The following KCNN3 variants were observed in gnomAD, a reference collection of about 807,000 sequenced individuals.
KCNN3 encodes the protein potassium calcium-activated channel subfamily N member 3.
Under a neutral mutation model 62.9 loss-of-function variants are expected in KCNN3, and 16 were observed. That is an observed-to-expected ratio of 0.25 (90% CI 0.17 to 0.39). The LOEUF (loss-of-function observed/expected upper bound fraction) is 0.39. KCNN3 is among the 10% of genes least tolerant of loss of function. KCNN3 has a pLI of 1.00. For synonymous variants in KCNN3, 370 were observed against 389.2 expected (o/e 0.95, Z 0.58); for missense variants, 599 against 949.4 (o/e 0.63, Z 4.85).
chr1:154,856,375 G>T (rs1303070770), intron 1 of KCNN3, among the ~76,000 whole-genome samples: 1 of 152,186 alleles, frequency 6.6e-6, no homozygotes, highest in Admixed American at 6.5e-5. Context: ...AGCCCACCCT[G>T]CCAACATGCA....
chr1:154,784,726 G>A (rs567060876), intron 2 of KCNN3, among the ~76,000 whole-genome samples: 1 of 152,344 alleles, frequency 6.6e-6, no homozygotes, highest in African/African-American at 2.4e-5. Flanking sequence ...TAACAGCAGG[G>A]GCCATGTATT....
intron 3 of KCNN3, among the ~76,000 whole-genome samples, chr1:154,757,276 G>A (rs1557960426): frequency 6.6e-6 from 1 of 152,188 alleles, no homozygotes. Context: ...TGGACTTCAG[G>A]CCAGCCCTCA....
At chr1:154,826,388 C>T (rs1651132913) in intron 1 of KCNN3, among the ~76,000 whole-genome samples, 1 of 152,212 alleles carries the variant, frequency 6.6e-6, no homozygotes. Flanking sequence ...GCCTACCATG[C>T]AAGGATGGCA....
At chr1:154,867,259 G>C (rs530690044) in intron 1 of KCNN3, among the ~76,000 whole-genome samples, 1 of 152,182 alleles carries the variant, frequency 6.6e-6, no homozygotes, top group Non-Finnish European at 1.5e-5. Context: ...AGAAGGCAGC[G>C]AGCAGAAGGA....
chr1:154,705,545 G>A lies in KCNN3; in HGVS notation c.*2431C>T, dbSNP rs1699950852. 1 of 152,098 alleles carries A rather than the reference G, an allele frequency of 6.6e-6. No homozygotes were observed. Among genetic ancestry groups the A allele is most frequent in the South Asian group, 2.1e-4 (1 of 4,822 alleles). 9.4% of individuals were successfully genotyped at this position (152,098 alleles called of 1,614,324 possible). A position where few individuals can be genotyped will look rare whatever the true frequency, so the allele number is the denominator to read the frequency against. On this transcript the variant is annotated 3_prime_UTR_variant, in exon 8 of 8. Coordinates refer to ENST00000271915, the MANE Select transcript of KCNN3 (RefSeq NM_002249.6). ...TCCAGTCACTCCCTTGACTAGTGTT[G>A]CTAGTTTGGTCTTTAGGGTTTACCT... is the stretch of plus-strand genomic sequence containing the variant.
At chr1:154,769,543 CA>C (rs1183175148) in intron 3 of KCNN3, among the ~76,000 whole-genome samples, 1 of 152,142 alleles carries the variant, frequency 6.6e-6, no homozygotes, top group African/African-American at 2.4e-5. Flanking sequence ...AAGTACTTTG[CA>C]AACTACATTC....
At chr1:154,722,305 A>G (rs916585512) in intron 5 of KCNN3, among the ~76,000 whole-genome samples, 1 of 152,090 alleles carries the variant, frequency 6.6e-6, no homozygotes, top group African/African-American at 2.4e-5. Context: ...AAGAGGTTGC[A>G]ATTATGCCAC....
At chr1:154,830,185 A>T (rs893448924) in intron 1 of KCNN3, among the ~76,000 whole-genome samples, 1 of 152,224 alleles carries the variant, frequency 6.6e-6, no homozygotes, top group South Asian at 2.1e-4. Flanking sequence ...AGTAACAGCT[A>T]ACATTTATTA....
At position 154,704,155 on chromosome 1, in the gene KCNN3, T is replaced by C. The variant is rs189738131; in HGVS notation, c.*3821A>G. The C allele has an allele frequency of 1.3e-5, 2 of 152,384 alleles. No homozygotes were observed. Among genetic ancestry groups the C allele is most frequent in the African/African-American group, 4.8e-5 (2 of 41,590 alleles). 9.4% of individuals were successfully genotyped at this position (152,384 alleles called of 1,614,324 possible). ...AAAATAGCTTGTACATGCTCAGCGC[T>C]TGGAATTTACTTTTGCGTACATTTT... is the stretch of plus-strand genomic sequence containing the variant. On this transcript the variant is annotated 3_prime_UTR_variant, in exon 8 of 8. Transcript: ENST00000271915.
intron 1 of KCNN3, among the ~76,000 whole-genome samples, chr1:154,856,210 C>T (rs188914219): frequency 6.4e-4 from 98 of 152,290 alleles, no homozygotes; most frequent in Admixed American, 9.8e-4. Context: ...AAGCAGGACT[C>T]GTGCCAAGGG....
chr1:154,848,033 G>A (rs1652148877), intron 1 of KCNN3, among the ~76,000 whole-genome samples: 1 of 152,186 alleles, frequency 6.6e-6, no homozygotes, highest in Non-Finnish European at 1.5e-5. Flanking sequence ...CAGGAAGAGG[G>A]TGTATTCCAC....
At chr1:154,824,720 A>T (rs1651036550) in intron 1 of KCNN3, among the ~76,000 whole-genome samples, 2 of 152,338 alleles carry the variant, frequency 1.3e-5, no homozygotes, top group South Asian at 4.1e-4. Context: ...ATGAATTGAC[A>T]TCAGAATCCA....
At chr1:154,753,390 T>C (rs974110436) in intron 3 of KCNN3, among the ~76,000 whole-genome samples, 2 of 152,160 alleles carry the variant, frequency 1.3e-5, no homozygotes, top group African/African-American at 2.4e-5. Context: ...CCAATCACAA[T>C]TCCTTTCCTA....
chr1:154,720,400 T>C (rs1448541697), intron 5 of KCNN3, among the ~76,000 whole-genome samples: 2 of 152,252 alleles, frequency 1.3e-5, no homozygotes, highest in Non-Finnish European at 2.9e-5. Flanking sequence ...CTATTGATTA[T>C]CTGATCCATT....
intron 1 of KCNN3, chr1:154,867,993 G>A (rs538031165): frequency 4.6e-5 from 45 of 985,300 alleles, no homozygotes; most frequent in African/African-American, 5.2e-5. Context: ...CCCCTCCTCC[G>A]TCTTGGGGCT....
In KCNN3 at chr1:154,715,023, G is replaced by C; in HGVS notation, c.1702-20C>G. ...CTTGATCTAAGGAAGAATAAATAAA[G>C]TAGGCTGCTATCAGGTTCATTTTCT... On this transcript the variant is annotated intron_variant, in intron 5 of 7. Transcript: ENST00000271915. 6.2e-7 allele frequency: 1 copy of C among 1,613,254 alleles called. No individual in the cohort carries two copies. Among genetic ancestry groups the C allele is most frequent in the Non-Finnish European group, 8.5e-7 (1 of 1,179,408 alleles).
At chr1:154,848,846 GCA>G (rs1487445001) in intron 1 of KCNN3, among the ~76,000 whole-genome samples, 1 of 152,172 alleles carries the variant, frequency 6.6e-6, no homozygotes, top group Non-Finnish European at 1.5e-5. Context: ...ACCGCACTTA[GCA>G]CAGTCTGCCT....
At chr1:154,791,518 C>T (rs1430950957) in intron 2 of KCNN3, among the ~76,000 whole-genome samples, 1 of 151,912 alleles carries the variant, frequency 6.6e-6, no homozygotes, top group African/African-American at 2.4e-5. Context: ...TGGCTAAAAC[C>T]AAAAACAATA....
intron 3 of KCNN3, among the ~76,000 whole-genome samples, chr1:154,763,271 A>G (rs976245506): frequency 2.6e-5 from 4 of 152,176 alleles, no homozygotes; most frequent in African/African-American, 9.7e-5. Context: ...TTTTAAATTC[A>G]TTAATTCCTA....
Sources: gnomAD v4.1 joint callset for allele counts (sites outside exome capture counted in the v4.1 genomes callset) on GRCh38, gnomAD v4.1.1 for gene constraint, MANE v1.5 for transcripts, NCBI Gene and HGNC (gene_info 2026-07-23, HGNC 2026-07-21) for gene names.